Variants in ADGRL2 observed in about 807,000 individuals in gnomAD.
The protein encoded by ADGRL2 is adhesion G protein-coupled receptor L2.
In ADGRL2, 44 loss-of-function variants were observed where a neutral mutation model predicts 157.4. That is an observed-to-expected ratio of 0.28 (90% confidence interval 0.22 to 0.36). The LOEUF (loss-of-function observed/expected upper bound fraction) is 0.36. Ranked by LOEUF, ADGRL2 falls within the 10% of genes least tolerant of loss-of-function variation. The pLI is 1.00. For synonymous variants in ADGRL2, 585 were observed against 624.7 expected (o/e 0.94, Z 0.95); for missense variants, 1,510 against 1,768.9 (o/e 0.85, Z 2.63).
At chr1:81,320,039 CTT>C (rs1436777558) in intron 1 of ADGRL2, among the ~76,000 whole-genome samples, 1 of 152,178 alleles carries the variant, frequency 6.6e-6, no homozygotes, top group Non-Finnish European at 1.5e-5. Flanking sequence ...CCTGCTGCTG[CTT>C]TATCAAGTAA....
At chr1:81,607,125 C>T (rs2081450518) in intron 3 of ADGRL2, among the ~76,000 whole-genome samples, 1 of 152,040 alleles carries the variant, frequency 6.6e-6, no homozygotes, top group Non-Finnish European at 1.5e-5. Flanking sequence ...GACTCAATCC[C>T]AAGAGTATAT....
At chr1:81,799,968 G>A (rs2087808593), upstream of ADGRL2, among the ~76,000 whole-genome samples, 1 of 151,998 alleles carries the variant, frequency 6.6e-6, no homozygotes, top group South Asian at 2.1e-4. Context: ...AGCGTGATTC[G>A]CCCTGTCCTG....
At chr1:81,396,148 C>G (rs1193991268) in intron 1 of ADGRL2, among the ~76,000 whole-genome samples, 2 of 152,126 alleles carry the variant, frequency 1.3e-5, no homozygotes, top group Non-Finnish European at 2.9e-5. Context: ...CATGGGAAGT[C>G]TTTCCATTTT....
chr1:81,935,797 G>A (rs3790896), intron 3 of ADGRL2, among the ~76,000 whole-genome samples: 2 of 151,536 alleles, frequency 1.3e-5, no homozygotes, highest in Non-Finnish European at 3.0e-5. Context: ...CTTTACAAAA[G>A]TTATGAAAAG....
intron 1 of ADGRL2, among the ~76,000 whole-genome samples, chr1:81,751,729 T>C (rs1376383279): frequency 6.6e-6 from 1 of 152,180 alleles, no homozygotes; most frequent in East Asian, 1.9e-4. Context: ...ATTTCAGTTA[T>C]AAAGGAAAAT....
At position 81,969,192 on chromosome 1, in the gene ADGRL2, T is replaced by C; in HGVS notation, c.2538T>C (p.Val846=). The part of the protein sequence containing the change: ...AHREIAYKDG[V]HELLLTVITW... ...TTTATTTTCAGTATAAAGATGGCGT[T>C]CATGAATTACTTCTTACAGTCATCA... Residue 846 remains valine, a synonymous_variant, in exon 15 of 24, where the codon GTT becomes GTC. Coordinates refer to ENST00000686636, the MANE Select transcript of ADGRL2 (RefSeq NM_001366006.2). The C allele has an allele frequency of 6.2e-7, 1 of 1,613,144 alleles. No individual in the cohort carries two copies. Among genetic ancestry groups the C allele is most frequent in the Non-Finnish European group, 8.5e-7 (1 of 1,179,160 alleles).
At chr1:81,828,475 G>T (rs2091684874) in intron 1 of ADGRL2, among the ~76,000 whole-genome samples, 1 of 151,788 alleles carries the variant, frequency 6.6e-6, no homozygotes, top group Non-Finnish European at 1.5e-5. Flanking sequence ...TATTTTTCCT[G>T]AAAGTTTTCT....
chr1:81,463,387 G>A (rs1032445065), intron 2 of ADGRL2, among the ~76,000 whole-genome samples: 4 of 151,998 alleles, frequency 2.6e-5, no homozygotes, highest in Non-Finnish European at 5.9e-5. Context: ...TTGGTACTCA[G>A]TCAGCTCTTG....
At chr1:81,354,926 C>T (rs192355955) in intron 1 of ADGRL2, among the ~76,000 whole-genome samples, 114 of 152,172 alleles carry the variant, frequency 7.5e-4, no homozygotes, top group Admixed American at 4.7e-3. Flanking sequence ...AACGTTCTGC[C>T]CTTCATCTTT....
At chr1:81,416,763 C>T (rs571905248) in intron 1 of ADGRL2, among the ~76,000 whole-genome samples, 5 of 152,242 alleles carry the variant, frequency 3.3e-5, no homozygotes, top group African/African-American at 9.6e-5. Flanking sequence ...CCTAATACTA[C>T]GGGTTTACTT....
chr1:81,775,402 A>C (rs1391576707), intron 2 of ADGRL2, among the ~76,000 whole-genome samples: 1 of 152,304 alleles, frequency 6.6e-6, no homozygotes, highest in East Asian at 1.9e-4. Context: ...TCAAAGGCAG[A>C]TCTTCTGACT....
intron 1 of ADGRL2, among the ~76,000 whole-genome samples, chr1:81,719,397 A>C (rs1051840059): frequency 1.3e-5 from 2 of 152,088 alleles, no homozygotes; most frequent in Non-Finnish European, 2.9e-5. Flanking sequence ...TATATTTTTC[A>C]GTTTTTTATC....
intron 2 of ADGRL2, among the ~76,000 whole-genome samples, chr1:81,883,113 T>A (rs1307226433): frequency 6.6e-6 from 1 of 152,166 alleles, no homozygotes; most frequent in African/African-American, 2.4e-5. Flanking sequence ...ACTTCCCCAG[T>A]TAAGGTATGG....
At chr1:81,961,334 C>T (rs1440814444) in intron 11 of ADGRL2, among the ~76,000 whole-genome samples, 4 of 151,972 alleles carry the variant, frequency 2.6e-5, no homozygotes, top group Admixed American at 6.6e-5. Flanking sequence ...TAGATAATGT[C>T]GAAGTTCCCA....
At chr1:81,896,297 TA>T (rs2094387114) in intron 2 of ADGRL2, among the ~76,000 whole-genome samples, 1 of 146,550 alleles carries the variant, frequency 6.8e-6, no homozygotes, top group South Asian at 2.1e-4. Flanking sequence ...AAACTGGTTT[TA>T]ACTAGTTATA....
At chr1:81,956,985 T>G (rs753173359) in intron 11 of ADGRL2, among the ~76,000 whole-genome samples, 2 of 152,090 alleles carry the variant, frequency 1.3e-5, no homozygotes, top group Non-Finnish European at 2.9e-5. Flanking sequence ...ATGGAAGAAA[T>G]GGACATAAAT....
At position 81,667,140 on chromosome 1, in the gene ADGRL2, C is replaced by CT. The variant is rs557309676; in HGVS notation, c.-143+86161dup. 7.2e-5 allele frequency among the ~76,000 whole-genome samples: 11 copies of CT among 152,262 alleles called. No homozygotes were observed. The South Asian group carries it at 2.3e-3, about 32-fold the overall frequency. The stretch of plus-strand genomic sequence containing the variant: ...TTGAGACCAAGACGAATTCATGACT[C>CT]TAACAAAAGAACGGGGGTGCTAAAT... On this transcript the variant is annotated intron_variant, in intron 3 of 24. Coordinates refer to the ADGRL2 transcript ENST00000370721.
At chr1:81,676,535 A>C (rs575937983) in intron 3 of ADGRL2, among the ~76,000 whole-genome samples, 2 of 151,596 alleles carry the variant, frequency 1.3e-5, no homozygotes, top group East Asian at 3.9e-4. Flanking sequence ...TTCTGGACTC[A>C]AGTGATTCCT....
intron 2 of ADGRL2, among the ~76,000 whole-genome samples, chr1:81,472,778 A>G (rs1287079671): frequency 6.6e-6 from 1 of 152,238 alleles, no homozygotes; most frequent in Admixed American, 6.5e-5. Context: ...AAATTTTAGG[A>G]TGAGAAATAA....
Sources: gnomAD v4.1 joint callset for allele counts (sites outside exome capture counted in the v4.1 genomes callset) on GRCh38, gnomAD v4.1.1 for gene constraint, MANE v1.5 for transcripts, NCBI Gene and HGNC (gene_info 2026-07-23, HGNC 2026-07-21) for gene names.